Variants in HTT-AS observed in about 807,000 individuals in gnomAD.
HTT-AS encodes HTT antisense RNA (head to head).
chr4:3,063,110 G>T (rs868510330), exon 2 of HTT-AS, among the ~76,000 whole-genome samples: 1 of 152,164 alleles, frequency 6.6e-6, no homozygotes, highest in Non-Finnish European at 1.5e-5. Context: ...ATCCCTGTAA[G>T]GGTCAGTTGA....
At chr4:3,049,993 T>C (rs1356090252) in intron 2 of HTT-AS, among the ~76,000 whole-genome samples, 1 of 147,764 alleles carries the variant, frequency 6.8e-6, no homozygotes, top group East Asian at 2.0e-4. Flanking sequence ...TCACCCAGGC[T>C]GGAGTGCAGC....
At chr4:3,063,593 G>A (rs903698053) in exon 2 of HTT-AS, 6 of 152,466 alleles carry the variant, frequency 3.9e-5, no homozygotes, top group African/African-American at 1.4e-4. Context: ...AAACGGCCTG[G>A]CAGATGCTTG....
chr4:3,070,675 T>C (rs1338793197), intron 1 of HTT-AS, among the ~76,000 whole-genome samples: 2 of 152,162 alleles, frequency 1.3e-5, no homozygotes, highest in Non-Finnish European at 2.9e-5. Context: ...GGCTAGCATG[T>C]TGTAAGCCTT....
rs577379941 is a variant in HTT-AS, at chr4:3,053,898, T to TATA, written n.1381-4203_1381-4201dup. Among the ~76,000 whole-genome samples, 80 of 152,122 alleles carry TATA rather than the reference T, an allele frequency of 5.3e-4. 4 individuals are homozygous for TATA. The East Asian group carries it at 0.011, about 22-fold the overall frequency. On this transcript the variant is annotated intron_variant and non_coding_transcript_variant, in intron 2 of 2. Transcript: ENST00000664062. The stretch of plus-strand genomic sequence containing the variant: ...CCTCAGCCTCCCGAGTAGCTTGGAT[T>TATA]ATAGGCATATGCCACCATGCCCAGC...
At chr4:3,054,595 A>T (rs1390694585) in intron 2 of HTT-AS, among the ~76,000 whole-genome samples, 1 of 152,210 alleles carries the variant, frequency 6.6e-6, no homozygotes, top group African/African-American at 2.4e-5. Context: ...GTAGGTTTGT[A>T]AAAATTAATC....
intron 2 of HTT-AS, among the ~76,000 whole-genome samples, chr4:3,059,471 G>C (rs928253976): frequency 5.9e-5 from 9 of 152,006 alleles, no homozygotes; most frequent in African/African-American, 2.2e-4. Context: ...GTGCACCAAG[G>C]TTCCAATTTC....
intron 1 of HTT-AS, among the ~76,000 whole-genome samples, chr4:3,069,257 C>T (rs1560532456): frequency 6.6e-6 from 1 of 151,752 alleles, no homozygotes; most frequent in Non-Finnish European, 1.5e-5. Flanking sequence ...GCCATCCTCC[C>T]ACCTAGGCCT....
At chr4:3,070,266 T>C (rs1486254167) in intron 1 of HTT-AS, 1 of 151,884 alleles carries the variant, frequency 6.6e-6, no homozygotes, top group East Asian at 1.9e-4. Flanking sequence ...TATGACTTGG[T>C]GACTAGGAAC....
At chr4:3,051,545 C>A (rs745606774) in intron 2 of HTT-AS, among the ~76,000 whole-genome samples, 9 of 151,696 alleles carry the variant, frequency 5.9e-5, no homozygotes, top group Non-Finnish European at 1.3e-4. Context: ...TAGGGCTACT[C>A]AGGGAAAGGG....
chr4:3,056,698 T>A (rs1711808740), intron 2 of HTT-AS, among the ~76,000 whole-genome samples: 1 of 152,244 alleles, frequency 6.6e-6, no homozygotes, highest in Admixed American at 6.5e-5. Context: ...GTTTTTCTTT[T>A]GGCAAACAAT....
chr4:3,057,552 A>G (rs1711830941), intron 2 of HTT-AS, among the ~76,000 whole-genome samples: 1 of 152,212 alleles, frequency 6.6e-6, no homozygotes, highest in Admixed American at 6.5e-5. Context: ...TTACTAAGAA[A>G]GCCAAGGAAT....
At chr4:3,074,166 C>T (rs1712311839) in intron 1 of HTT-AS, among the ~76,000 whole-genome samples, 1 of 134,132 alleles carries the variant, frequency 7.5e-6, no homozygotes, top group Non-Finnish European at 1.6e-5. Context: ...TATCCCGCTC[C>T]GCCCCTCAGC....
Position 3,049,906 on chromosome 4 carries a change from T to TCACACACACA in HTT-AS, n.1381-218_1381-209dup, listed in dbSNP as rs57430954. 2.4e-3 allele frequency among the ~76,000 whole-genome samples: 329 copies of TCACACACACA among 134,718 alleles called. 1 individual carries two copies. Among genetic ancestry groups the TCACACACACA allele is most frequent in the Middle Eastern group, 7.6e-3 (2 of 262 alleles). 88.4% of individuals were successfully genotyped at this position (134,718 alleles called of 152,430 possible). A position where few individuals can be genotyped will look rare whatever the true frequency, so the allele number is the denominator to read the frequency against. ...AACTATTTTAGCAATTTGTAAGTTA[T>TCACACACACA]CACACACACACACACACACACACAC... On this transcript the variant is annotated intron_variant and non_coding_transcript_variant, in intron 2 of 2. Transcript: ENST00000664062.
chr4:3,061,064 C>G (rs1477996270), intron 2 of HTT-AS, among the ~76,000 whole-genome samples: 1 of 152,206 alleles, frequency 6.6e-6, no homozygotes, highest in African/African-American at 2.4e-5. Flanking sequence ...TAACCCCACT[C>G]CGTGTGTATC....
At chr4:3,049,150 G>A (rs919864697) in exon 3 of HTT-AS, among the ~76,000 whole-genome samples, 2 of 152,118 alleles carry the variant, frequency 1.3e-5, no homozygotes, top group Non-Finnish European at 1.5e-5. Flanking sequence ...ATGGCCAGGC[G>A]TGGTGGTGCA....
At chr4:3,067,859 G>T (rs1416114965) in intron 1 of HTT-AS, among the ~76,000 whole-genome samples, 4 of 152,144 alleles carry the variant, frequency 2.6e-5, no homozygotes, top group Non-Finnish European at 4.4e-5. Context: ...AAGCAGACTT[G>T]TCTCTCCTTA....
At chr4:3,054,138 G>C (rs781515414) in intron 2 of HTT-AS, among the ~76,000 whole-genome samples, 1 of 151,726 alleles carries the variant, frequency 6.6e-6, no homozygotes, top group Non-Finnish European at 1.5e-5. Flanking sequence ...TTAGATTCTA[G>C]ATAAGGCCTG....
At chr4:3,067,050 A>AT (rs1560531975) in intron 1 of HTT-AS, among the ~76,000 whole-genome samples, 1 of 152,256 alleles carries the variant, frequency 6.6e-6, no homozygotes, top group African/African-American at 2.4e-5. Flanking sequence ...TGACAACAGC[A>AT]TACTTTAGAG....
intron 1 of HTT-AS, among the ~76,000 whole-genome samples, chr4:3,069,757 C>T (rs142975068): frequency 6.6e-6 from 1 of 152,296 alleles, no homozygotes; most frequent in Non-Finnish European, 1.5e-5. Flanking sequence ...TTTCTGTCTG[C>T]AGCTGGGCCC....
Sources: gnomAD v4.1 joint callset for allele counts (sites outside exome capture counted in the v4.1 genomes callset) on GRCh38, gnomAD v4.1.1 for gene constraint, MANE v1.5 for transcripts, NCBI Gene and HGNC (gene_info 2026-07-23, HGNC 2026-07-21) for gene names.